P3H2: variants seen among roughly 807,000 people sequenced by gnomAD.
P3H2 encodes the protein prolyl 3-hydroxylase 2, also known as leprecan-like 1.
P3H2 carries 80 observed loss-of-function variants against 87.0 expected under a neutral mutation model. The observed-to-expected ratio is 0.92, with a 90% CI of 0.77 to 1.11. P3H2 has a LOEUF of 1.11. Among genes scored for constraint, P3H2 ranks in the 50% least tolerant of loss-of-function variants. P3H2 has a pLI of 0.00. For synonymous variants in P3H2, 367 were observed against 359.3 expected (o/e 1.02, Z -0.24); for missense variants, 1,001 against 923.9 (o/e 1.08, Z -1.08).
At chr3:190,009,485 G>C (rs1287294467) in intron 1 of P3H2, among the ~76,000 whole-genome samples, 1 of 152,180 alleles carries the variant, frequency 6.6e-6, no homozygotes, top group Non-Finnish European at 1.5e-5. Context: ...AATGCTGAGT[G>C]TTATGGAATC....
intron 1 of P3H2, among the ~76,000 whole-genome samples, chr3:190,113,946 G>T (rs906034512): frequency 6.7e-6 from 1 of 150,360 alleles, no homozygotes; most frequent in African/African-American, 2.5e-5. Flanking sequence ...CGGGCGTGGA[G>T]GCGGGCGCCT....
chr3:189,959,860 ATGTGTGTGTG>A (rs75204350), intron 14 of P3H2, among the ~76,000 whole-genome samples: 7,842 of 134,732 alleles, frequency 0.058, 443 homozygotes, highest in African/African-American at 0.15. Flanking sequence ...TGGAGGAGAT[ATGTGTGTGTG>A]TGTGTGTGTG....
intron 8 of P3H2, among the ~76,000 whole-genome samples, chr3:189,980,123 G>A (rs1723484982): frequency 6.6e-6 from 1 of 152,192 alleles, no homozygotes; most frequent in Non-Finnish European, 1.5e-5. Context: ...TAATGCTTAG[G>A]AGCTGTCCAG....
chr3:190,018,946 A>G (rs1052670138), intron 1 of P3H2, among the ~76,000 whole-genome samples: 1 of 152,196 alleles, frequency 6.6e-6, no homozygotes, highest in Non-Finnish European at 1.5e-5. Flanking sequence ...ATGGCCCAGG[A>G]TATTACAGAA....
intron 1 of P3H2, among the ~76,000 whole-genome samples, chr3:190,045,917 C>G (rs1362700465): frequency 2.0e-5 from 3 of 151,988 alleles, no homozygotes; most frequent in East Asian, 1.9e-4. Context: ...GTCAGGAGAT[C>G]GAGACCATCC....
chr3:190,095,633 C>T (rs1377148736), intron 1 of P3H2, among the ~76,000 whole-genome samples: 1 of 148,066 alleles, frequency 6.8e-6, no homozygotes, highest in Non-Finnish European at 1.5e-5. Context: ...CGGAGTCTCG[C>T]TCTGTCACCC....
intron 1 of P3H2, among the ~76,000 whole-genome samples, chr3:190,043,282 C>A (rs7651112): frequency 1.3e-5 from 2 of 152,024 alleles, no homozygotes; most frequent in Non-Finnish European, 2.9e-5. Context: ...ATCCTTTAAG[C>A]GCCAAAGCAA....
intron 1 of P3H2, among the ~76,000 whole-genome samples, chr3:190,071,096 C>T (rs1726683405): frequency 2.0e-5 from 3 of 152,192 alleles, no homozygotes; most frequent in African/African-American, 7.2e-5. Flanking sequence ...TCAATAAATA[C>T]TATCATGTTA....
intron 1 of P3H2, among the ~76,000 whole-genome samples, chr3:190,088,648 G>C (rs901620322): frequency 6.6e-6 from 1 of 152,052 alleles, no homozygotes; most frequent in Admixed American, 6.5e-5. Context: ...AGGGCAAATG[G>C]GTATAGGTTT....
intron 1 of P3H2, among the ~76,000 whole-genome samples, chr3:190,071,244 A>G (rs1191749893): frequency 6.6e-6 from 1 of 152,218 alleles, no homozygotes; most frequent in Non-Finnish European, 1.5e-5. Flanking sequence ...ATACCCTTCA[A>G]AGGGCCTACA....
intron 1 of P3H2, among the ~76,000 whole-genome samples, chr3:190,051,747 C>A (rs1017073776): frequency 1.3e-5 from 2 of 152,158 alleles, no homozygotes; most frequent in African/African-American, 4.8e-5. Context: ...AGGTTTCAGC[C>A]CACAGTGAAT....
At position 190,067,402 on chromosome 3, in the gene P3H2, A is replaced by G. The variant is rs552113609; in HGVS notation, c.480+52850T>C. Among the ~76,000 whole-genome samples the G allele has an allele frequency of 5.3e-5, 8 of 152,290 alleles. No individual in the cohort carries two copies. The South Asian group carries it at 1.0e-3, about 20-fold the overall frequency. On this transcript the variant is annotated intron_variant, in intron 1 of 14. Transcript: ENST00000319332. Reference sequence around the variant, plus strand: ...CAGAAGCAAAGAGACAAATCCTTGCATGACCTCCATACCCCTTTTACTAAG... The same window carrying G: ...CAGAAGCAAAGAGACAAATCCTTGCGTGACCTCCATACCCCTTTTACTAAG...
At chr3:190,103,235 G>A (rs1159350550) in intron 1 of P3H2, among the ~76,000 whole-genome samples, 2 of 152,152 alleles carry the variant, frequency 1.3e-5, no homozygotes, top group African/African-American at 4.8e-5. Context: ...TGTCCTAGGA[G>A]AACTGACAAT....
At chr3:190,089,579 G>A (rs530791370) in intron 1 of P3H2, among the ~76,000 whole-genome samples, 1 of 152,280 alleles carries the variant, frequency 6.6e-6, no homozygotes, top group African/African-American at 2.4e-5. Flanking sequence ...CCTGACTCTA[G>A]AGGGTGGTCA....
intron 1 of P3H2, among the ~76,000 whole-genome samples, chr3:190,015,627 G>A (rs1299680076): frequency 6.6e-6 from 1 of 152,078 alleles, no homozygotes. Context: ...CTCCCCAAGA[G>A]TAGGTCCAGC....
chr3:190,121,505 GCTT>G (rs946538717), upstream of P3H2: 25 of 152,152 alleles, frequency 1.6e-4, no homozygotes, highest in African/African-American at 6.0e-4. Context: ...AAAGCTTACC[GCTT>G]CTTCTCTTGG....
intron 1 of P3H2, among the ~76,000 whole-genome samples, chr3:190,068,186 C>T (rs1726575909): frequency 6.6e-6 from 1 of 151,886 alleles, no homozygotes; most frequent in African/African-American, 2.4e-5. Context: ...ATAATTTTCT[C>T]CAAACATTTA....
intron 1 of P3H2, among the ~76,000 whole-genome samples, chr3:190,001,854 T>C (rs987877333): frequency 6.6e-6 from 1 of 152,218 alleles, no homozygotes; most frequent in African/African-American, 2.4e-5. Flanking sequence ...TGAGTTAATT[T>C]TTCTTCATAG....
At chr3:189,976,519 G>A (rs1481238434) in intron 8 of P3H2, among the ~76,000 whole-genome samples, 2 of 152,190 alleles carry the variant, frequency 1.3e-5, no homozygotes, top group Non-Finnish European at 2.9e-5. Flanking sequence ...TCTCCACCTG[G>A]CCCTGCCCTT....
Sources: gnomAD v4.1 joint callset for allele counts (sites outside exome capture counted in the v4.1 genomes callset) on GRCh38, gnomAD v4.1.1 for gene constraint, MANE v1.5 for transcripts, NCBI Gene and HGNC (gene_info 2026-07-23, HGNC 2026-07-21) for gene names.